Variants in PDZRN3 observed in about 807,000 individuals in gnomAD.
PDZRN3 encodes the protein E3 ubiquitin-protein ligase PDZRN3.
Under a neutral mutation model 85.7 loss-of-function variants are expected in PDZRN3, and 38 were observed. That is an observed-to-expected ratio of 0.44 (90% CI 0.34 to 0.58). The LOEUF (loss-of-function observed/expected upper bound fraction) is 0.58, where lower values mean the gene tolerates loss of function less well. Among genes scored for constraint, PDZRN3 ranks in the 20% least tolerant of loss-of-function variants. The pLI, the probability that PDZRN3 is intolerant of heterozygous loss-of-function variation, is 0.01. For missense variants in PDZRN3, 1,629 were observed against 1,506.4 expected (o/e 1.08, Z -1.35); for synonymous variants, 759 against 638.0 (o/e 1.19, Z -2.86).
intron 9 of PDZRN3, among the ~76,000 whole-genome samples, chr3:73,385,230 A>AG (rs137998133): frequency 0.042 from 6,328 of 152,268 alleles, 470 homozygotes; most frequent in African/African-American, 0.14. Context: ...CACAGGTAGA[A>AG]GGATGTATAA....
chr3:73,429,720 A>T (rs576662359), intron 3 of PDZRN3, among the ~76,000 whole-genome samples: 1 of 152,340 alleles, frequency 6.6e-6, no homozygotes, highest in African/African-American at 2.4e-5. Flanking sequence ...CAAGTGCCAT[A>T]AGAGGCACAA....
chr3:73,563,299 T>C (rs565062693), intron 3 of PDZRN3, among the ~76,000 whole-genome samples: 39 of 151,720 alleles, frequency 2.6e-4, no homozygotes, highest in African/African-American at 9.2e-4. Context: ...CCCCCCAAAG[T>C]GCTGGGACTA....
At chr3:73,462,599 T>C (rs1407880524) in intron 3 of PDZRN3, among the ~76,000 whole-genome samples, 1 of 149,442 alleles carries the variant, frequency 6.7e-6, no homozygotes, top group Non-Finnish European at 1.5e-5. Flanking sequence ...TTTTTCATCA[T>C]ATTGCAGAAA....
intron 1 of PDZRN3, chr3:73,621,606 T>C (rs942782995): frequency 1.3e-5 from 2 of 152,140 alleles, no homozygotes; most frequent in Non-Finnish European, 2.9e-5. Flanking sequence ...CACTGAGGGT[T>C]AATTTCGGGG....
At chr3:73,584,457 GTGTGTGTGTGT>G (rs1702249005) in intron 3 of PDZRN3, among the ~76,000 whole-genome samples, 3 of 52,792 alleles carry the variant, frequency 5.7e-5, no homozygotes, top group Non-Finnish European at 1.1e-4. Context: ...TTAATGGTGT[GTGTGTGTGTGT>G]GTGTGTGTGT....
intron 5 of PDZRN3, among the ~76,000 whole-genome samples, chr3:73,397,694 G>A (rs1004857916): frequency 3.9e-5 from 6 of 152,188 alleles, no homozygotes; most frequent in Non-Finnish European, 7.3e-5. Flanking sequence ...CCTAGCCTAG[G>A]AGGCCTGAGC....
intron 3 of PDZRN3, among the ~76,000 whole-genome samples, chr3:73,454,804 C>A (rs891957569): frequency 8.5e-5 from 13 of 152,094 alleles, no homozygotes; most frequent in South Asian, 4.2e-4. Flanking sequence ...TTTTTAAAAG[C>A]ATGAACAAAT....
chr3:73,521,035 C>G (rs1385306690), intron 3 of PDZRN3, among the ~76,000 whole-genome samples: 2 of 152,128 alleles, frequency 1.3e-5, no homozygotes, highest in African/African-American at 4.8e-5. Context: ...AAAAGGCCAG[C>G]AGGAATACAA....
intron 3 of PDZRN3, among the ~76,000 whole-genome samples, chr3:73,585,251 G>T (rs1438605195): frequency 6.6e-6 from 1 of 152,138 alleles, no homozygotes; most frequent in Non-Finnish European, 1.5e-5. Context: ...ATGTCTATTA[G>T]GAAGTTTCTA....
At chr3:73,538,630 G>A (rs116782575) in intron 3 of PDZRN3, among the ~76,000 whole-genome samples, 363 of 152,248 alleles carry the variant, frequency 2.4e-3, no homozygotes, top group African/African-American at 8.5e-3. Flanking sequence ...TAGTTTCCTG[G>A]TTTTTCCTTA....
At position 73,388,930 on chromosome 3, in the gene PDZRN3, C is replaced by CAAAAAAAAA. The variant is rs10675308; in HGVS notation, c.1417-870_1417-862dup. Among the ~76,000 whole-genome samples the CAAAAAAAAA allele has an allele frequency of 1.0e-4, 7 of 67,680 alleles. No homozygotes were observed. In the East Asian group the frequency reaches 1.9e-3, roughly 18 times the overall value. 44.4% of individuals were successfully genotyped at this position (67,680 alleles called of 152,430 possible). A position where few individuals can be genotyped will look rare whatever the true frequency, so the allele number is the denominator to read the frequency against. On this transcript the variant is annotated intron_variant, in intron 7 of 9. Transcript: ENST00000263666. ...AAGGTTAATGGAAAACTCCAGCAAT[C>CAAAAAAAAA]AAAAAAAAAAAAAAAAAAAAAAAAA... is the stretch of plus-strand genomic sequence containing the variant.
intron 3 of PDZRN3, among the ~76,000 whole-genome samples, chr3:73,601,886 G>C (rs1355903426): frequency 9.0e-6 from 1 of 111,096 alleles, no homozygotes; most frequent in Non-Finnish European, 2.2e-5. Context: ...AACAGGCAAA[G>C]ACGACAAACT....
chr3:73,587,427 G>C (rs542222013), intron 3 of PDZRN3, among the ~76,000 whole-genome samples: 5 of 152,234 alleles, frequency 3.3e-5, no homozygotes, highest in Admixed American at 2.0e-4. Flanking sequence ...TGCTGTTTGA[G>C]TCATACTTAC....
intron 3 of PDZRN3, among the ~76,000 whole-genome samples, chr3:73,411,454 A>C (rs903679569): frequency 6.6e-6 from 1 of 151,838 alleles, no homozygotes; most frequent in Non-Finnish European, 1.5e-5. Flanking sequence ...GTGTAGGCTG[A>C]GGTGTGAGCA....
chr3:73,477,991 C>G (rs1352752617), intron 3 of PDZRN3, among the ~76,000 whole-genome samples: 5 of 152,148 alleles, frequency 3.3e-5, no homozygotes, highest in African/African-American at 7.2e-5. Context: ...ATTCAATTAC[C>G]TCCCACTGGG....
At chr3:73,596,638 T>C (rs758814378) in intron 3 of PDZRN3, among the ~76,000 whole-genome samples, 3 of 152,182 alleles carry the variant, frequency 2.0e-5, no homozygotes, top group Admixed American at 6.5e-5. Flanking sequence ...GATCCATCCA[T>C]GAGGAAACTT....
intron 3 of PDZRN3, among the ~76,000 whole-genome samples, chr3:73,433,302 TGTTCAAA>T (rs200804655): frequency 0.026 from 3,951 of 152,336 alleles, 72 homozygotes; most frequent in Middle Eastern, 0.037. Context: ...TTCTCTAACT[TGTTCAAA>T]GGGTGCATGA....
intron 3 of PDZRN3, among the ~76,000 whole-genome samples, chr3:73,411,879 A>G (rs1701978286): frequency 6.6e-6 from 1 of 152,204 alleles, no homozygotes; most frequent in African/African-American, 2.4e-5. Context: ...CAGTGGTACA[A>G]CACTTCCTCT....
At chr3:73,605,578 C>T (rs894347426) in intron 2 of PDZRN3, among the ~76,000 whole-genome samples, 5 of 152,172 alleles carry the variant, frequency 3.3e-5, no homozygotes, top group Non-Finnish European at 7.3e-5. Context: ...TTTCACAACC[C>T]AACCAAGCAT....
Sources: allele counts gnomAD v4.1 joint callset (sites outside exome capture counted in the v4.1 genomes callset), GRCh38; gene constraint gnomAD v4.1.1; transcripts MANE v1.5; gene names NCBI Gene and HGNC (gene_info 2026-07-23, HGNC 2026-07-21).